The following TSEN2 variants were observed in gnomAD, a reference collection of about 807,000 sequenced individuals.
TSEN2 encodes the protein tRNA-splicing endonuclease subunit Sen2.
In TSEN2, 54 loss-of-function variants were observed where a neutral mutation model predicts 59.2. The ratio of observed to expected loss-of-function variants is 0.91; its 90% CI spans 0.73 to 1.14. The LOEUF is 1.14. Ranked by LOEUF, TSEN2 falls within the 50% of genes most tolerant of loss-of-function variation. The pLI, the probability that TSEN2 is intolerant of heterozygous loss-of-function variation, is 0.00. For synonymous variants in TSEN2, 195 were observed against 198.2 expected (o/e 0.98, Z 0.14); for missense variants, 636 against 576.2 (o/e 1.10, Z -1.06).
Position 12,532,672 on chromosome 3 carries a change from T to G in TSEN2, c.1349T>G (p.Leu450Arg), listed in dbSNP as rs2057540233. The G allele has an allele frequency of 6.2e-7, 1 of 1,614,050 alleles. No homozygotes were observed. The highest frequency in any genetic ancestry group is 1.3e-5 in the African/African-American group (1 of 74,928). The change falls in exon 12 of 12, where the codon CTG becomes CGG. Residue 450 changes from leucine (L) to arginine (R), a missense_variant. Transcript: ENST00000284995. ...MKRIKVQEVI[L>R]SRWVSSRERS... ...TTTTATTGGTTGTAGGAGGTGATTC[T>G]GAGTCGATGGGTTTCTTCACGAGAG...
chr3:12,491,082 C>T (rs2053168896), intron 2 of TSEN2, among the ~76,000 whole-genome samples: 1 of 152,068 alleles, frequency 6.6e-6, no homozygotes, highest in Admixed American at 6.5e-5. Context: ...CCTCTACCTC[C>T]CAGGTTCAAG....
At chr3:12,492,275 G>C (rs2053292604) in intron 3 of TSEN2, 58 bp downstream of exon 3, 4 of 1,457,762 alleles carry the variant, frequency 2.7e-6, no homozygotes, top group Non-Finnish European at 3.8e-6. Context: ...CTTTGTTTTT[G>C]ATCTTATATC....
Position 12,493,147 on chromosome 3 carries a change from G to C in TSEN2, c.271+930G>C, listed in dbSNP as rs113943275. On this transcript the variant is annotated intron_variant, in intron 3 of 11. Transcript: ENST00000284995. ...TAGTGGAATAATATTCCATTGTTTGGACATAGTGCCTTTAGCTCATCTGCT... is the reference window on the plus strand; with the variant it reads ...TAGTGGAATAATATTCCATTGTTTGCACATAGTGCCTTTAGCTCATCTGCT... Among the ~76,000 whole-genome samples the C allele has an allele frequency of 8.4e-3, 1,280 of 152,208 alleles. 16 individuals carry two copies. Among genetic ancestry groups the C allele is most frequent in the African/African-American group, 0.029 (1,211 of 41,530 alleles).
In TSEN2 at chr3:12,499,343, C is replaced by T. The variant is rs1447742387; in HGVS notation, c.308+2789C>T. ...CTATGTGTCAGGCATTGGGTAGGTG[C>T]TGGGGACCCAAGAGCGAGGAAAAGA... On this transcript the variant is annotated intron_variant, in intron 4 of 11. Coordinates refer to ENST00000284995, the MANE Select transcript of TSEN2 (RefSeq NM_025265.4). 5.3e-5 allele frequency among the ~76,000 whole-genome samples: 8 copies of T among 152,260 alleles called. No individual in the cohort carries two copies. In the East Asian group the frequency reaches 1.4e-3, roughly 26 times the overall value.
intron 6 of TSEN2, among the ~76,000 whole-genome samples, chr3:12,512,034 T>C (rs886473852): frequency 1.3e-5 from 2 of 152,130 alleles, no homozygotes; most frequent in Admixed American, 6.5e-5. Flanking sequence ...CAATAGACAG[T>C]GTTCTTGGCA....
chr3:12,503,846 T>C, intron 5 of TSEN2, 62 bp downstream of exon 5: 2 of 1,565,172 alleles, frequency 1.3e-6, no homozygotes, highest in Non-Finnish European at 1.7e-6. Flanking sequence ...TGTTGGCTAA[T>C]AGGGATGTCT....
At chr3:12,523,582 G>A (rs1002022811) in intron 8 of TSEN2, among the ~76,000 whole-genome samples, 2 of 117,554 alleles carry the variant, frequency 1.7e-5, no homozygotes, top group Non-Finnish European at 3.4e-5. Flanking sequence ...TGCCTTGGCT[G>A]GAGTGCAGTG....
Position 12,529,815 on chromosome 3 carries a change from G to A in TSEN2, c.1190G>A (p.Arg397Lys), listed in dbSNP as rs1323170622. 6.2e-7 allele frequency: 1 copy of A among 1,614,024 alleles called. No homozygotes were observed. The highest frequency in any genetic ancestry group is 1.3e-5 in the African/African-American group (1 of 74,904). Residue 397 changes from arginine (R) to lysine (K), a missense_variant, in exon 10 of 12, where the codon AGG becomes AAG. Transcript: ENST00000284995. Reference protein sequence around the residue: ...VDDHFEGSLRRPLSWKSLAAL... With the variant: ...VDDHFEGSLRKPLSWKSLAAL... Reference sequence around the variant, plus strand: ...GACCATTTTGAAGGCTCTCTCCGCAGGCCTCTCAGTTGGAAGTCCCTGGCT... The same window carrying A: ...GACCATTTTGAAGGCTCTCTCCGCAAGCCTCTCAGTTGGAAGTCCCTGGCT...
rs546904336 is a variant in TSEN2 at position 12,523,526 on chromosome 3, C to CTTTTTT, written c.1099+4349_1099+4354dup. On this transcript the variant is annotated intron_variant, in intron 8 of 11. Transcript: ENST00000284995. The stretch of plus-strand genomic sequence containing the variant: ...CTTCTCCTCATCTTCCTCTTTGATT[C>CTTTTTT]TTTTTTTTTTTTTTTTTTTTTTTTT... Among the ~76,000 whole-genome samples the CTTTTTT allele has an allele frequency of 4.1e-4, 19 of 46,478 alleles. 3 individuals carry two copies. The highest frequency in any genetic ancestry group is 7.1e-4 in the African/African-American group (9 of 12,668). 30.5% of individuals were successfully genotyped at this position (46,478 alleles called of 152,430 possible). A position where few individuals can be genotyped will look rare whatever the true frequency, so the allele number is the denominator to read the frequency against.
chr3:12,533,257 A>G lies in TSEN2; in HGVS notation c.*536A>G, dbSNP rs1257527088. 6.4e-6 allele frequency: 1 copy of G among 156,256 alleles called. No individual in the cohort carries two copies. The highest frequency in any genetic ancestry group is 1.4e-5 in the Non-Finnish European group (1 of 70,438). 9.7% of individuals were successfully genotyped at this position (156,256 alleles called of 1,614,324 possible). ...GAGTGGTGAAATAATGTTTGGAGAC[A>G]TAATGAAAGCGATTAACATTTGGCA... is the stretch of plus-strand genomic sequence containing the variant. On this transcript the variant is annotated 3_prime_UTR_variant, in exon 12 of 12. Coordinates refer to ENST00000284995, the MANE Select transcript of TSEN2 (RefSeq NM_025265.4).
upstream of TSEN2, among the ~76,000 whole-genome samples, chr3:12,481,919 C>G (rs75586233): frequency 3.3e-5 from 2 of 60,086 alleles, no homozygotes; most frequent in African/African-American, 1.6e-4. Flanking sequence ...GTGTGTGTGT[C>G]TGCGTATATA....
chr3:12,504,522 G>A (rs2125055342), intron 5 of TSEN2, among the ~76,000 whole-genome samples: 2 of 152,126 alleles, frequency 1.3e-5, no homozygotes, highest in East Asian at 3.9e-4. Flanking sequence ...GATCAAGGCT[G>A]GGCAACAGTG....
intron 4 of TSEN2, among the ~76,000 whole-genome samples, chr3:12,500,796 A>G (rs962863150): frequency 1.3e-5 from 2 of 152,154 alleles, no homozygotes; most frequent in African/African-American, 4.8e-5. Context: ...GTGGGGTCAT[A>G]TAGCTGGTAT....
At chr3:12,518,727 G>C (rs531943769) in intron 7 of TSEN2, among the ~76,000 whole-genome samples, 28 of 145,648 alleles carry the variant, frequency 1.9e-4, no homozygotes. Flanking sequence ...TTCATACTGA[G>C]TAGGAAGTCA....
intron 9 of TSEN2, 76 bp downstream of exon 9, chr3:12,529,000 G>C (rs1464867948): frequency 2.3e-5 from 35 of 1,492,134 alleles, no homozygotes; most frequent in Non-Finnish European, 3.1e-5. Context: ...TAACTTTTTG[G>C]TGCCATAGGA....
chr3:12,503,897 G>A, intron 5 of TSEN2, 113 bp downstream of exon 5: 1 of 1,386,860 alleles, frequency 7.2e-7, no homozygotes, highest in Non-Finnish European at 9.8e-7. Flanking sequence ...AGGGTCCAAG[G>A]GAAGCAGCAG....
At chr3:12,535,328 A>G (rs1200165213), downstream of TSEN2, among the ~76,000 whole-genome samples, 5 of 152,184 alleles carry the variant, frequency 3.3e-5, no homozygotes, top group African/African-American at 9.7e-5. Flanking sequence ...TTGATCTTAA[A>G]ACTGGAAAAT....
chr3:12,516,110 A>T (rs1430633834), intron 6 of TSEN2, among the ~76,000 whole-genome samples: 1 of 152,094 alleles, frequency 6.6e-6, no homozygotes, highest in Non-Finnish European at 1.5e-5. Flanking sequence ...AGACATTTGA[A>T]TGAACCATTT....
intron 8 of TSEN2, among the ~76,000 whole-genome samples, chr3:12,524,841 C>G (rs2056953399): frequency 6.7e-6 from 1 of 149,016 alleles, no homozygotes. Context: ...CTCCCACATT[C>G]AAGTGATTCT....
Sources: gnomAD v4.1 joint callset for allele counts (sites outside exome capture counted in the v4.1 genomes callset) on GRCh38, gnomAD v4.1.1 for gene constraint, MANE v1.5 for transcripts, NCBI Gene and HGNC (gene_info 2026-07-23, HGNC 2026-07-21) for gene names.